The following AOX1 variants were observed in gnomAD, a reference collection of about 807,000 sequenced individuals.
The protein encoded by AOX1 is aldehyde oxidase.
A neutral mutation model predicts 169.5 loss-of-function variants in AOX1; 153 were observed. The observed-to-expected ratio is 0.90, with a 90% confidence interval of 0.79 to 1.03. AOX1 has a LOEUF of 1.03. Among genes scored for constraint, AOX1 ranks in the 50% least tolerant of loss-of-function variants. The pLI is 0.00. For missense variants in AOX1, 1,656 were observed against 1,663.9 expected (o/e 1.00, Z 0.08); for synonymous variants, 562 against 581.9 (o/e 0.97, Z 0.49).
intron 1 of AOX1, among the ~76,000 whole-genome samples, chr2:200,590,286 T>G (rs992683523): frequency 2.0e-5 from 3 of 152,146 alleles, no homozygotes; most frequent in African/African-American, 7.2e-5. Context: ...AGCATGAACT[T>G]GGACTCTCCC....
intron 1 of AOX1, among the ~76,000 whole-genome samples, chr2:200,588,625 A>T (rs1036368980): frequency 5.9e-5 from 9 of 151,384 alleles, no homozygotes; most frequent in African/African-American, 1.9e-4. Context: ...AATTGTGTTA[A>T]TCTTTCCCTT....
rs112010507 is a variant in AOX1, at chr2:200,604,207, C to T, written c.669+110C>T. 8.7e-4 allele frequency: 671 copies of T among 772,462 alleles called. 2 individuals are homozygous for T. The African/African-American group carries it at 0.01, about 12-fold the overall frequency. 47.9% of individuals were successfully genotyped at this position (772,462 alleles called of 1,614,324 possible). ...GCTGATTGGCAAATAGGTGAGGCCT[C>T]TCTGTCATCCTTAGCTCAAGGTCTA... On this transcript the variant is annotated intron_variant, in intron 8 of 34. Coordinates refer to ENST00000374700, the MANE Select transcript of AOX1 (RefSeq NM_001159.4).
chr2:200,659,134 G>A, intron 27 of AOX1, 31 bp from the exon 28 acceptor site: 1 of 1,609,754 alleles, frequency 6.2e-7, no homozygotes, highest in Non-Finnish European at 8.5e-7. Context: ...TAATCAAAGT[G>A]TTTAAAAGGA....
intron 25 of AOX1, among the ~76,000 whole-genome samples, chr2:200,645,083 T>TCCA (rs1559253038): frequency 2.6e-5 from 4 of 152,186 alleles, no homozygotes; most frequent in Non-Finnish European, 5.9e-5. Flanking sequence ...AGTACCATAT[T>TCCA]GAAGAAGAGT....
At chr2:200,625,547 T>A (rs2034983317) in intron 19 of AOX1, among the ~76,000 whole-genome samples, 1 of 152,180 alleles carries the variant, frequency 6.6e-6, no homozygotes, top group East Asian at 1.9e-4. Context: ...GAGATTAAGC[T>A]CTCAAAGTCT....
chr2:200,598,609 G>A (rs551945793), intron 4 of AOX1, among the ~76,000 whole-genome samples: 12 of 151,790 alleles, frequency 7.9e-5, no homozygotes, highest in African/African-American at 2.4e-4. Flanking sequence ...TGGGCATGGT[G>A]GTGCATACCT....
In AOX1 at chr2:200,595,333, G is replaced by A; in HGVS notation, c.165G>A (p.Met55Ile). The A allele has an allele frequency of 6.2e-7, 1 of 1,612,908 alleles. No individual in the cohort carries two copies. The highest frequency in any genetic ancestry group is 8.5e-7 in the Non-Finnish European group (1 of 1,179,204). The change falls in exon 3 of 35, where the codon ATG becomes ATA. Residue 55 changes from methionine to isoleucine, a missense_variant. By Grantham distance (10) the Met-to-Ile change is conservative (BLOSUM62 1). Coordinates refer to ENST00000374700, the MANE Select transcript of AOX1 (RefSeq NM_001159.4). ...GAGGCTGTGGTGCTTGTACAGTGATGATATCACGATACAACCCCATCACCA... is the reference window on the plus strand; with the variant it reads ...GAGGCTGTGGTGCTTGTACAGTGATAATATCACGATACAACCCCATCACCA... ...GGGGCGACTV[M>I]ISRYNPITKR...
chr2:200,680,989 A>C (rs761264953), downstream of AOX1, among the ~76,000 whole-genome samples: 18 of 152,220 alleles, frequency 1.2e-4, no homozygotes, highest in Non-Finnish European at 2.4e-4. Context: ...CTCTTTGTGG[A>C]GGGAAGCCTT....
intron 7 of AOX1, 84 bp downstream of exon 7, chr2:200,603,440 C>A: frequency 2.9e-6 from 3 of 1,031,940 alleles, no homozygotes; most frequent in South Asian, 2.8e-5. Flanking sequence ...AAATGGCTAC[C>A]CAAGTTGACT....
chr2:200,639,152 A>G (rs1559250199), intron 23 of AOX1, among the ~76,000 whole-genome samples: 1 of 152,258 alleles, frequency 6.6e-6, no homozygotes, highest in Non-Finnish European at 1.5e-5. Flanking sequence ...AGTGTCTGCC[A>G]TATTGGACAG....
At chr2:200,656,476 T>A (rs2035686632) in intron 26 of AOX1, among the ~76,000 whole-genome samples, 1 of 152,172 alleles carries the variant, frequency 6.6e-6, no homozygotes, top group African/African-American at 2.4e-5. Context: ...TGTGCCAAGA[T>A]GATTTAGGGT....
intron 1 of AOX1, among the ~76,000 whole-genome samples, chr2:200,589,876 G>C (rs1382931373): frequency 6.6e-6 from 1 of 152,174 alleles, no homozygotes; most frequent in Non-Finnish European, 1.5e-5. Context: ...AAATTTCTGG[G>C]CTTCTGGAAT....
intron 15 of AOX1, among the ~76,000 whole-genome samples, chr2:200,614,702 G>T (rs2034715157): frequency 6.6e-6 from 1 of 152,186 alleles, no homozygotes; most frequent in Admixed American, 6.5e-5. Context: ...TCTTCCTGTG[G>T]TATAGAAGTT....
At chr2:200,627,267 C>T (rs1040516599) in intron 19 of AOX1, 86 bp from the exon 20 acceptor site, 1 of 849,306 alleles carries the variant, frequency 1.2e-6, no homozygotes, top group Non-Finnish European at 2.0e-6. Context: ...ACAACCCCTG[C>T]TCAGAGGATG....
chr2:200,599,760 G>A lies in AOX1; in HGVS notation c.436+14G>A, dbSNP rs751708816. ...ATGCCCTTGGTGGTAGGTTATATAT[G>A]CATGCTTTTATTTTTTAATTTTTAT... On this transcript the variant is annotated intron_variant, in intron 5 of 34. Coordinates refer to ENST00000374700, the MANE Select transcript of AOX1 (RefSeq NM_001159.4). The A allele has an allele frequency of 8.1e-6, 12 of 1,475,564 alleles. No homozygotes were observed. In the East Asian group the frequency reaches 3.0e-4, roughly 37 times the overall value. 91.4% of individuals were successfully genotyped at this position (1,475,564 alleles called of 1,614,324 possible). A position where few individuals can be genotyped will look rare whatever the true frequency, so the allele number is the denominator to read the frequency against.
chr2:200,659,406 T>G, intron 28 of AOX1, 113 bp downstream of exon 28: 1 of 1,235,410 alleles, frequency 8.1e-7, no homozygotes, highest in South Asian at 1.5e-5. Context: ...TCCTTCCCCA[T>G]CTTGCCCTCA....
chr2:200,633,722 A>T (rs2035174088), intron 20 of AOX1, among the ~76,000 whole-genome samples: 1 of 152,006 alleles, frequency 6.6e-6, no homozygotes, highest in Non-Finnish European at 1.5e-5. Context: ...GTCTTTTCTC[A>T]TTGAAGTTGG....
chr2:200,605,703 G>T (rs1180499782), intron 10 of AOX1, 75 bp downstream of exon 10: 6 of 617,992 alleles, frequency 9.7e-6, no homozygotes, highest in South Asian at 6.7e-5. Flanking sequence ...CAGACAAGCA[G>T]AAAAAGAATG....
intron 23 of AOX1, among the ~76,000 whole-genome samples, chr2:200,639,992 G>A (rs571727056): frequency 2.1e-3 from 306 of 148,998 alleles, no homozygotes; most frequent in African/African-American, 7.2e-3. Flanking sequence ...AGCCAAAATC[G>A]CGCCACTGCA....
Sources: gnomAD v4.1 joint callset for allele counts (sites outside exome capture counted in the v4.1 genomes callset) on GRCh38, gnomAD v4.1.1 for gene constraint, MANE v1.5 for transcripts, NCBI Gene and HGNC (gene_info 2026-07-23, HGNC 2026-07-21) for gene names.